ANKRD27: variants seen among roughly 807,000 people sequenced by gnomAD.
ANKRD27 encodes the protein ankyrin repeat domain-containing protein 27.
In ANKRD27, 112 loss-of-function variants were observed where a neutral mutation model predicts 129.7. The observed-to-expected ratio is 0.86, with a 90% confidence interval of 0.74 to 1.01. The LOEUF is 1.01. ANKRD27 is among the 50% of genes least tolerant of loss of function. The pLI is 0.00. For missense variants in ANKRD27, 1,258 were observed against 1,300.5 expected, an observed-to-expected ratio of 0.97 and a Z score of 0.50; for synonymous variants, 516 against 511.2, an observed-to-expected ratio of 1.01 and a Z score of -0.13.
At chr19:32,607,493 C>A in intron 23 of ANKRD27, 142 bp downstream of exon 23, 1 of 1,010,642 alleles carries the variant, frequency 9.9e-7, no homozygotes, top group East Asian at 2.6e-5. Context: ...AGTGGCCTAC[C>A]GTGTGCACCT....
intron 22 of ANKRD27, 131 bp from the exon 23 acceptor site, chr19:32,607,963 C>CTAAA: frequency 1.0e-6 from 1 of 965,506 alleles, no homozygotes; most frequent in Non-Finnish European, 1.5e-6. Flanking sequence ...AGGATGGATT[C>CTAAA]CAATTTGTTT....
chr19:32,633,978 C>T (rs1227645126), intron 12 of ANKRD27, among the ~76,000 whole-genome samples: 1 of 152,034 alleles, frequency 6.6e-6, no homozygotes, highest in Non-Finnish European at 1.5e-5. Context: ...CTGCAGTGAG[C>T]TAGGATCACA....
intron 2 of ANKRD27, among the ~76,000 whole-genome samples, chr19:32,653,160 C>G (rs75797385): frequency 6.6e-6 from 1 of 152,208 alleles, no homozygotes; most frequent in East Asian, 1.9e-4. Flanking sequence ...TGGCACGGTG[C>G]CTGGCGTGGA....
chr19:32,636,709 TTCTC>T (rs56115659), intron 12 of ANKRD27, among the ~76,000 whole-genome samples: 3 of 145,494 alleles, frequency 2.1e-5, no homozygotes, highest in East Asian at 2.0e-4. Context: ...AAAAAAACAG[TTCTC>T]TCTCTCTCTC....
intron 24 of ANKRD27, 137 bp from the exon 25 acceptor site, chr19:32,604,561 A>G: frequency 1.1e-6 from 1 of 894,412 alleles, no homozygotes; most frequent in South Asian, 2.2e-5. Flanking sequence ...TTGGGGAGGA[A>G]AAGTAATACT....
At chr19:32,669,762 C>T (rs191868156) in intron 1 of ANKRD27, among the ~76,000 whole-genome samples, 140 of 152,138 alleles carry the variant, frequency 9.2e-4, no homozygotes, top group Admixed American at 1.4e-3. Flanking sequence ...CTTTGGGAGG[C>T]CAAGGCAGTG....
chr19:32,642,222 C>CCCACCG, intron 9 of ANKRD27, 77 bp from the exon 10 acceptor site: 1 of 1,365,074 alleles, frequency 7.3e-7, no homozygotes. Context: ...GAACACATCT[C>CCCACCG]AGGATCTACA....
chr19:32,618,451 GAA>G (rs55674756), intron 20 of ANKRD27, among the ~76,000 whole-genome samples: 44,723 of 100,320 alleles, frequency 0.45, 9,540 homozygotes, highest in Non-Finnish European at 0.58. Flanking sequence ...GTCCCAAAAA[GAA>G]AAAAAAAAAA....
intron 21 of ANKRD27, 120 bp from the exon 22 acceptor site, chr19:32,615,900 C>T: frequency 2.9e-6 from 4 of 1,393,936 alleles, no homozygotes; most frequent in Non-Finnish European, 3.9e-6. Context: ...TCCAACCCCA[C>T]AGCCATTTAT....
rs755889942 is a variant in ANKRD27, at chr19:32,607,708, C to T, written c.2300G>A (p.Gly767Glu). The T allele has an allele frequency of 6.2e-7, 1 of 1,613,070 alleles. No individual in the cohort carries two copies. Among genetic ancestry groups the T allele is most frequent in the Admixed American group, 1.7e-5 (1 of 59,910 alleles). Residue 767 changes from glycine to glutamate, a missense_variant, in exon 23 of 29, where the codon GGG (glycine) becomes GAG (glutamate). By Grantham distance (98) the Gly-to-Glu change is moderately conservative (BLOSUM62 -2). Coordinates refer to ENST00000306065, the MANE Select transcript of ANKRD27 (RefSeq NM_032139.3). ...ADLIPLLLKH[G>E]ANAGARNADQ... ...TGCGTTCCTGGCACCTGCGTTGGCCCCGTGCTTCAGCAGGAGGGGGATGAG... is the reference window on the plus strand; with the variant it reads ...TGCGTTCCTGGCACCTGCGTTGGCCTCGTGCTTCAGCAGGAGGGGGATGAG...
At position 32,628,162 on chromosome 19, in the gene ANKRD27, C is replaced by T. The variant is rs1966925128; in HGVS notation, c.1341G>A (p.Arg447=). The T allele has an allele frequency of 1.2e-6, 2 of 1,613,856 alleles. No homozygotes were observed. The highest frequency in any genetic ancestry group is 1.7e-6 in the Non-Finnish European group (2 of 1,179,712). The part of the protein sequence containing the change: ...CDDCEKLVSG[R]LNDPSVVTPF... ...GAGTGACAACTGAGGGATCATTCAA[C>T]CTCCTAAAATACAGAAAGAGATAGA... The change falls in exon 15 of 29, where the codon AGG becomes AGA. Residue 447 remains arginine (R), a synonymous_variant. Coordinates refer to ENST00000306065, the MANE Select transcript of ANKRD27 (RefSeq NM_032139.3).
intron 1 of ANKRD27, among the ~76,000 whole-genome samples, chr19:32,667,898 G>A (rs1188255220): frequency 6.6e-6 from 1 of 150,404 alleles, no homozygotes; most frequent in Non-Finnish European, 1.5e-5. Flanking sequence ...TCATTAAAAT[G>A]AGAAAATCAG....
At chr19:32,627,569 T>C (rs1966911399) in intron 15 of ANKRD27, among the ~76,000 whole-genome samples, 1 of 151,974 alleles carries the variant, frequency 6.6e-6, no homozygotes, top group Non-Finnish European at 1.5e-5. Context: ...GGCTCATTTT[T>C]GTATGTTTTG....
intron 1 of ANKRD27, among the ~76,000 whole-genome samples, chr19:32,661,234 CA>C (rs1967639564): frequency 6.6e-6 from 1 of 150,758 alleles, no homozygotes; most frequent in Non-Finnish European, 1.5e-5. Flanking sequence ...CACACACACA[CA>C]CACACACACA....
rs1236925794 is a variant in ANKRD27, at chr19:32,673,232, G to A, written c.-31+1839C>T. On this transcript the variant is annotated intron_variant, in intron 1 of 28. Coordinates refer to ENST00000306065, the MANE Select transcript of ANKRD27 (RefSeq NM_032139.3). ...CACCAGGCAAGACTGGGTGTAACTT[G>A]GGAATGTAAGTCTATCCAATGTCAG... is the stretch of plus-strand genomic sequence containing the variant. The A allele has an allele frequency of 4.3e-6, 4 of 936,072 alleles. No homozygotes were observed. In the African/African-American group the frequency reaches 5.3e-5, roughly 12 times the overall value. 58.0% of individuals were successfully genotyped at this position (936,072 alleles called of 1,614,324 possible). A position where few individuals can be genotyped will look rare whatever the true frequency, so the allele number is the denominator to read the frequency against.
At chr19:32,644,520 G>A in intron 4 of ANKRD27, 41 bp from the exon 5 acceptor site, 1 of 1,603,284 alleles carries the variant, frequency 6.2e-7, no homozygotes, top group South Asian at 1.1e-5. Flanking sequence ...TGAAGCCTCT[G>A]CTGGTTCCTG....
intron 23 of ANKRD27, 29 bp downstream of exon 23, chr19:32,607,606 C>T: frequency 1.2e-6 from 2 of 1,604,684 alleles, no homozygotes; most frequent in South Asian, 1.1e-5. Context: ...AGACACCCTG[C>T]TCCACCACCC....
chr19:32,625,857 C>T lies in ANKRD27; in HGVS notation c.1629+17G>A, dbSNP rs769746897. 1.6e-5 allele frequency: 25 copies of T among 1,561,468 alleles called. No individual in the cohort carries two copies. Among genetic ancestry groups the T allele is most frequent in the Non-Finnish European group, 2.1e-5 (24 of 1,157,512 alleles). ...AAGGGTGAACGCAGCCCCCCCGGAA[C>T]AGCAAGAGCCACTCACGTCCTCGTG... is the stretch of plus-strand genomic sequence containing the variant. On this transcript the variant is annotated intron_variant, in intron 17 of 28. Coordinates refer to ENST00000306065, the MANE Select transcript of ANKRD27 (RefSeq NM_032139.3).
At chr19:32,627,573 T>C (rs1027208798) in intron 15 of ANKRD27, among the ~76,000 whole-genome samples, 12 of 151,968 alleles carry the variant, frequency 7.9e-5, no homozygotes, top group Admixed American at 2.6e-4. Flanking sequence ...CATTTTTGTA[T>C]GTTTTGTAGA....
Sources: gnomAD v4.1 joint callset for allele counts (sites outside exome capture counted in the v4.1 genomes callset) on GRCh38, gnomAD v4.1.1 for gene constraint, MANE v1.5 for transcripts, NCBI Gene and HGNC (gene_info 2026-07-23, HGNC 2026-07-21) for gene names.